FBXL17: variants seen among roughly 807,000 people sequenced by gnomAD.
The protein encoded by FBXL17 is F-box/LRR-repeat protein 17.
Under a neutral mutation model 66.2 loss-of-function variants are expected in FBXL17, and 22 were observed. The ratio of observed to expected loss-of-function variants is 0.33; its 90% CI spans 0.24 to 0.47. FBXL17 has a LOEUF of 0.47. FBXL17 is among the 20% of genes least tolerant of loss of function. The pLI is 1.00. For missense variants in FBXL17, 878 were observed against 948.2 expected (o/e 0.93, Z 0.97); for synonymous variants, 474 against 400.5 (o/e 1.18, Z -2.19).
intron 4 of FBXL17, among the ~76,000 whole-genome samples, chr5:108,310,344 C>A (rs1351803853): frequency 1.3e-5 from 2 of 152,100 alleles, no homozygotes; most frequent in Non-Finnish European, 2.9e-5. Context: ...CCTTTTCTAC[C>A]CAAATATCTT....
chr5:108,040,503 A>G (rs1747005156), intron 6 of FBXL17, among the ~76,000 whole-genome samples: 1 of 152,200 alleles, frequency 6.6e-6, no homozygotes, highest in Non-Finnish European at 1.5e-5. Flanking sequence ...TTCTGCACAC[A>G]CAAATAGACT....
intron 4 of FBXL17, among the ~76,000 whole-genome samples, chr5:108,272,619 G>A (rs748845741): frequency 3.0e-4 from 45 of 152,044 alleles, no homozygotes; most frequent in Non-Finnish European, 5.7e-4. Context: ...CTCCCAAAGT[G>A]CTGGGATTAC....
At chr5:108,294,579 AAAG>A (rs1432396326) in intron 4 of FBXL17, among the ~76,000 whole-genome samples, 1 of 152,024 alleles carries the variant, frequency 6.6e-6, no homozygotes, top group Non-Finnish European at 1.5e-5. Context: ...AATGCCAAGC[AAAG>A]AATAAAAATC....
chr5:108,034,185 T>C (rs907600567), intron 6 of FBXL17, among the ~76,000 whole-genome samples: 54 of 152,192 alleles, frequency 3.5e-4, no homozygotes, highest in Non-Finnish European at 2.8e-4. Context: ...CCTTTAGTCA[T>C]TGCATATAGC....
chr5:107,880,227 C>T (rs1748740676), intron 8 of FBXL17: 2 of 335,546 alleles, frequency 6.0e-6, no homozygotes, highest in South Asian at 2.4e-4. Context: ...GCCATTATGC[C>T]TGGCTAATTT....
intron 7 of FBXL17, among the ~76,000 whole-genome samples, chr5:107,945,076 A>C (rs1004684378): frequency 6.6e-6 from 1 of 152,110 alleles, no homozygotes; most frequent in African/African-American, 2.4e-5. Flanking sequence ...ATAGAAAAAA[A>C]TTGAATCTTC....
chr5:108,378,653 T>C (rs758368081), intron 1 of FBXL17, among the ~76,000 whole-genome samples: 14 of 152,194 alleles, frequency 9.2e-5, no homozygotes, highest in Non-Finnish European at 1.8e-4. Context: ...CCAGTCAGAA[T>C]ATGGACATTC....
At chr5:107,871,356 G>A (rs1339504512) in intron 8 of FBXL17, among the ~76,000 whole-genome samples, 1 of 152,174 alleles carries the variant, frequency 6.6e-6, no homozygotes, top group African/African-American at 2.4e-5. Context: ...TTGGGAGGAT[G>A]GGGATCACAG....
intron 7 of FBXL17, among the ~76,000 whole-genome samples, chr5:107,944,499 A>C (rs901842165): frequency 1.3e-5 from 2 of 152,118 alleles, no homozygotes; most frequent in Non-Finnish European, 2.9e-5. Flanking sequence ...GTTCTAAAGG[A>C]GTTTGAATCT....
At chr5:108,156,599 G>A (rs1752006813) in intron 6 of FBXL17, among the ~76,000 whole-genome samples, 1 of 151,750 alleles carries the variant, frequency 6.6e-6, no homozygotes, top group African/African-American at 2.4e-5. Flanking sequence ...ATCCCTAATT[G>A]TTTTTGCTTT....
chr5:107,862,308 T>C (rs1485465583), intron 8 of FBXL17, among the ~76,000 whole-genome samples: 2 of 151,850 alleles, frequency 1.3e-5, no homozygotes, highest in African/African-American at 2.4e-5. Context: ...AAGATGTTTA[T>C]TTTTCTTCCC....
chr5:107,871,055 G>A (rs78930802), intron 8 of FBXL17, among the ~76,000 whole-genome samples: 11,402 of 41,378 alleles, frequency 0.28, 942 homozygotes, highest in Middle Eastern at 0.33. Flanking sequence ...ACTCTTGGGC[G>A]GCAAAAAAAA....
chr5:108,252,200 C>A (rs1221027758), intron 4 of FBXL17, among the ~76,000 whole-genome samples: 2 of 152,090 alleles, frequency 1.3e-5, no homozygotes, highest in Non-Finnish European at 2.9e-5. Flanking sequence ...TTGCCAATAT[C>A]TTGTAAAGTG....
At chr5:107,870,144 T>A (rs2112486278) in intron 8 of FBXL17, among the ~76,000 whole-genome samples, 1 of 152,140 alleles carries the variant, frequency 6.6e-6, no homozygotes, top group South Asian at 2.1e-4. Context: ...AAAACATAGA[T>A]CAGGTGAGAA....
At chr5:108,180,500 C>T (rs773027355) in intron 6 of FBXL17, among the ~76,000 whole-genome samples, 6 of 150,688 alleles carry the variant, frequency 4.0e-5, no homozygotes, top group African/African-American at 7.3e-5. Flanking sequence ...AGCATGACTC[C>T]GTCTTTAAAA....
intron 6 of FBXL17, among the ~76,000 whole-genome samples, chr5:108,095,497 T>C (rs1293478952): frequency 3.3e-5 from 5 of 152,142 alleles, no homozygotes; most frequent in Non-Finnish European, 7.4e-5. Context: ...CCTAACCTCA[T>C]ATACTGTATA....
chr5:108,203,289 T>C (rs546386078), intron 5 of FBXL17, among the ~76,000 whole-genome samples: 113 of 152,190 alleles, frequency 7.4e-4, no homozygotes, highest in Admixed American at 1.7e-3. Flanking sequence ...CTTTTACAGA[T>C]GAGGAAACTG....
chr5:108,224,046 G>C, intron 5 of FBXL17, 75 bp downstream of exon 5: 4 of 644,538 alleles, frequency 6.2e-6, no homozygotes, highest in Non-Finnish European at 8.0e-6. Context: ...CCTTATTCAA[G>C]TAAATTAAAC....
At chr5:108,003,448 A>C (rs1285433139) in intron 7 of FBXL17, among the ~76,000 whole-genome samples, 1 of 152,196 alleles carries the variant, frequency 6.6e-6, no homozygotes, top group African/African-American at 2.4e-5. Flanking sequence ...GTTCACAATT[A>C]AAAACAAAAC....
Sources: allele counts gnomAD v4.1 joint callset (sites outside exome capture counted in the v4.1 genomes callset), GRCh38; gene constraint gnomAD v4.1.1; transcripts MANE v1.5; gene names NCBI Gene and HGNC (gene_info 2026-07-23, HGNC 2026-07-21).